The following NMT1 variants were observed in gnomAD, a reference collection of about 807,000 sequenced individuals.
The protein encoded by NMT1 is N-myristoyltransferase 1, also known as glycylpeptide N-tetradecanoyltransferase 1.
Under a neutral mutation model 63.4 loss-of-function variants are expected in NMT1, and 12 were observed. The observed-to-expected ratio is 0.19, with a 90% CI of 0.12 to 0.31. The LOEUF is 0.31. NMT1 is among the 10% of genes least tolerant of loss of function. The probability of loss-of-function intolerance (pLI) is 1.00; values close to 1 mark genes in which losing one functional copy is unlikely to be tolerated. For synonymous variants in NMT1, 228 were observed against 234.3 expected (o/e 0.97, Z 0.25); for missense variants, 432 against 634.6 (o/e 0.68, Z 3.43).
chr17:45,079,659 TGCACACGTGCATACAC>T (rs1395275304), intron 1 of NMT1, among the ~76,000 whole-genome samples: 35 of 152,258 alleles, frequency 2.3e-4, no homozygotes, highest in Non-Finnish European at 3.1e-4. Context: ...CGTGCACACA[TGCACACGTGCATACAC>T]ACAGACATGT....
At chr17:45,079,672 AC>A (rs2054001811) in intron 1 of NMT1, among the ~76,000 whole-genome samples, 1 of 152,186 alleles carries the variant, frequency 6.6e-6, no homozygotes, top group African/African-American at 2.4e-5. Flanking sequence ...ACACGTGCAT[AC>A]ACACAGACAT....
Position 45,069,839 on chromosome 17 carries a change from C to T in NMT1, c.131+8379C>T, listed in dbSNP as rs150035318. On this transcript the variant is annotated intron_variant, in intron 1 of 11. Coordinates refer to ENST00000258960, the MANE Select transcript of NMT1 (RefSeq NM_021079.5). ...TTATTTTCAGAAGTCATTCTAATCGCACCACTGCACTCCAGCCTGGCAACA... is the reference window on the plus strand; with the variant it reads ...TTATTTTCAGAAGTCATTCTAATCGTACCACTGCACTCCAGCCTGGCAACA... 2.9e-3 allele frequency among the ~76,000 whole-genome samples: 443 copies of T among 150,804 alleles called. 1 individual carries two copies. Among genetic ancestry groups the T allele is most frequent in the African/African-American group, 9.8e-3 (400 of 40,990 alleles).
intron 1 of NMT1, among the ~76,000 whole-genome samples, chr17:45,070,265 G>A (rs1203116760): frequency 6.6e-6 from 1 of 151,550 alleles, no homozygotes; most frequent in East Asian, 1.9e-4. Context: ...TTGTGTGTGT[G>A]TGTGTGAGAT....
chr17:45,071,413 T>A (rs1470564023), intron 1 of NMT1: 1 of 152,180 alleles, frequency 6.6e-6, no homozygotes, highest in Non-Finnish European at 1.5e-5. Context: ...TCCTGTCTTT[T>A]TGTTTTTCAG....
chr17:45,104,319 C>G lies in NMT1; in HGVS notation c.1332+443C>G. The stretch of plus-strand genomic sequence containing the variant: ...TCTGGTAACCTGTGCCCAGCCCAGC[C>G]CAGCCTGCTGTAGGCAATCTGGTCC... On this transcript the variant is annotated intron_variant, in intron 10 of 11. Transcript: ENST00000258960. This position sits in a 1 kb window ranked among gnomAD's most constrained non-coding sequence, Gnocchi z 4.2. 8.5e-7 allele frequency: 1 copy of G among 1,170,664 alleles called. No individual in the cohort carries two copies. The highest frequency in any genetic ancestry group is 1.1e-6 in the Non-Finnish European group (1 of 936,874). The allele number at this position is 1,170,664 out of a possible 1,614,324, so 72.5% of individuals were successfully genotyped here.
At chr17:45,090,421 C>A (rs1464269178) in intron 3 of NMT1, among the ~76,000 whole-genome samples, 1 of 131,566 alleles carries the variant, frequency 7.6e-6, no homozygotes, top group African/African-American at 2.9e-5. Flanking sequence ...TTAAAGTCAC[C>A]CCTTTCCCAC....
rs933709257 is a variant in NMT1, at chr17:45,084,237, A to G, written c.241-2271A>G. Among the ~76,000 whole-genome samples the G allele has an allele frequency of 5.3e-5, 8 of 152,324 alleles. No homozygotes were observed. In the East Asian group the frequency reaches 1.2e-3, roughly 22 times the overall value. On this transcript the variant is annotated intron_variant, in intron 2 of 11. Coordinates refer to ENST00000258960, the MANE Select transcript of NMT1 (RefSeq NM_021079.5). Reference sequence around the variant, plus strand: ...GGCAGTTCAGAAAGAAAAAATGTGTAATCAGTAAATAATAAGATGGTTAAA... The same window carrying G: ...GGCAGTTCAGAAAGAAAAAATGTGTGATCAGTAAATAATAAGATGGTTAAA...
chr17:45,081,465 G>A (rs948564457), intron 1 of NMT1, among the ~76,000 whole-genome samples, 179 bp from the exon 2 acceptor site: 1 of 152,174 alleles, frequency 6.6e-6, no homozygotes, highest in African/African-American at 2.4e-5. Flanking sequence ...GAGGGGGCGC[G>A]AGTCAGGAGG....
At chr17:45,102,573 G>A (rs1273558010) in intron 8 of NMT1, among the ~76,000 whole-genome samples, 1 of 152,262 alleles carries the variant, frequency 6.6e-6, no homozygotes, top group Non-Finnish European at 1.5e-5. Flanking sequence ...TCAGTGAGAA[G>A]CCTGTGAGGA....
At position 45,104,367 on chromosome 17, in the gene NMT1, C is replaced by T. The variant is rs2054189766; in HGVS notation, c.1332+491C>T. The T allele has an allele frequency of 9.6e-6, 11 of 1,143,928 alleles. No individual in the cohort carries two copies. The highest frequency in any genetic ancestry group is 1.2e-5 in the Non-Finnish European group (11 of 923,156). The allele number at this position is 1,143,928 out of a possible 1,614,324, so 70.9% of individuals were successfully genotyped here. On this transcript the variant is annotated intron_variant, in intron 10 of 11. Coordinates refer to ENST00000258960, the MANE Select transcript of NMT1 (RefSeq NM_021079.5). This position sits in a 1 kb window ranked among gnomAD's most constrained non-coding sequence, Gnocchi z 4.2. ...TCCCTGCCCTGTGAGAGCTTCTGCT[C>T]CAGTTGGTGAGGTTTAGGAAGCATC...
At chr17:45,076,766 A>T (rs540960394) in intron 1 of NMT1, among the ~76,000 whole-genome samples, 9 of 152,208 alleles carry the variant, frequency 5.9e-5, no homozygotes, top group East Asian at 5.8e-4. Context: ...AAAAAAAAGA[A>T]AAGAAAAAAC....
intron 6 of NMT1, among the ~76,000 whole-genome samples, chr17:45,097,728 T>A (rs898674973): frequency 1.3e-5 from 2 of 152,106 alleles, no homozygotes; most frequent in African/African-American, 4.8e-5. Context: ...CACTGCAAGC[T>A]CCACCTCCAG....
At chr17:45,072,585 A>T (rs1315214148) in intron 1 of NMT1, among the ~76,000 whole-genome samples, 5 of 105,194 alleles carry the variant, frequency 4.8e-5, no homozygotes, top group African/African-American at 1.5e-4. Flanking sequence ...TTTGAGATGG[A>T]GTCTCTCTCT....
At chr17:45,088,621 G>T (rs1159878137) in intron 3 of NMT1, among the ~76,000 whole-genome samples, 1 of 152,218 alleles carries the variant, frequency 6.6e-6, no homozygotes, top group Non-Finnish European at 1.5e-5. Context: ...TGGGCTGGTG[G>T]CATGGGCCTG....
chr17:45,104,281 C>A lies in NMT1; in HGVS notation c.1332+405C>A, dbSNP rs1288104352. On this transcript the variant is annotated intron_variant, in intron 10 of 11. Coordinates refer to ENST00000258960, the MANE Select transcript of NMT1 (RefSeq NM_021079.5). This position sits in a 1 kb window ranked among gnomAD's most constrained non-coding sequence, Gnocchi z 4.2. ...CGGATGGCGAGCCCGTCTGTCAGTG[C>A]TTTGCTGTGGGTTCTGGTAACCTGT... The A allele has an allele frequency of 5.9e-6, 7 of 1,188,494 alleles. No individual in the cohort carries two copies. Among genetic ancestry groups the A allele is most frequent in the Non-Finnish European group, 4.2e-6 (4 of 945,376 alleles). The allele number at this position is 1,188,494 out of a possible 1,614,324, so 73.6% of individuals were successfully genotyped here. A position where few individuals can be genotyped will look rare whatever the true frequency, so the allele number is the denominator to read the frequency against.
Position 45,103,112 on chromosome 17 carries a change from C to T in NMT1, c.1155C>T (p.Phe385=), listed in dbSNP as rs768875089. ...FYPQENIIDT[F]VVENANGEVT... ...CCCAGGAGAATATCATCGACACTTT[C>T]GTGGTGGAGGTGAGTCAGGGAGTGG... Residue 385 remains phenylalanine (F), a synonymous_variant, in exon 9 of 12, where the codon TTC becomes TTT. Transcript: ENST00000258960. This position sits in a 1 kb window ranked among gnomAD's most constrained non-coding sequence, Gnocchi z 4.8. 15 of 1,608,026 alleles carry T rather than the reference C, an allele frequency of 9.3e-6. No individual in the cohort carries two copies. In the East Asian group the frequency reaches 1.3e-4, roughly 14 times the overall value.
chr17:45,081,722 G>A lies in NMT1; in HGVS notation c.210G>A (p.Glu70=), dbSNP rs369434915. Reference sequence around the variant, plus strand: ...AAAAGAAGAAAGAAAAAGGCAGTGAGACAGATTCAGCCCAGGATCAGCCTG... The same window carrying A: ...AAAAGAAGAAAGAAAAAGGCAGTGAAACAGATTCAGCCCAGGATCAGCCTG... The part of the protein sequence containing the change: ...KQKKKKEKGS[E]TDSAQDQPVK... Residue 70 remains glutamate (E), a synonymous_variant, in exon 2 of 12, where the codon GAG becomes GAA. Transcript: ENST00000258960. 214 of 1,588,958 alleles carry A rather than the reference G, an allele frequency of 1.3e-4. No individual in the cohort carries two copies. Among genetic ancestry groups the A allele is most frequent in the Non-Finnish European group, 1.8e-4 (210 of 1,166,140 alleles).
intron 4 of NMT1, among the ~76,000 whole-genome samples, chr17:45,094,904 C>T (rs1394257332): frequency 1.3e-5 from 2 of 149,956 alleles, no homozygotes; most frequent in Non-Finnish European, 3.0e-5. Context: ...CCTCCACCTT[C>T]CAGGTTCAAG....
chr17:45,089,705 C>T (rs2054076154), intron 3 of NMT1, among the ~76,000 whole-genome samples: 1 of 152,114 alleles, frequency 6.6e-6, no homozygotes, highest in African/African-American at 2.4e-5. Flanking sequence ...GTGGTATGAT[C>T]ATGGCTCACT....
Sources: gnomAD v4.1 joint callset for allele counts (sites outside exome capture counted in the v4.1 genomes callset) on GRCh38, gnomAD v4.1.1 for gene constraint, Gnocchi (gnomAD v3.1) non-coding constraint, MANE v1.5 for transcripts, NCBI Gene and HGNC (gene_info 2026-07-23, HGNC 2026-07-21) for gene names.